The following PSD3 variants were observed in gnomAD, a reference collection of about 807,000 sequenced individuals.
The protein encoded by PSD3 is pleckstrin and Sec7 domain containing 3.
Under a neutral mutation model 105.5 loss-of-function variants are expected in PSD3, and 49 were observed. The ratio of observed to expected loss-of-function variants is 0.46; its 90% CI spans 0.37 to 0.59. The LOEUF is 0.59. Among genes scored for constraint, PSD3 ranks in the 20% least tolerant of loss-of-function variants. The pLI is 0.00. For missense variants in PSD3, 1,561 were observed against 1,263.8 expected (o/e 1.24, Z -3.57); for synonymous variants, 557 against 457.8 (o/e 1.22, Z -2.77).
chr8:18,726,027 C>G (rs1324755493), intron 9 of PSD3, among the ~76,000 whole-genome samples: 6 of 152,152 alleles, frequency 3.9e-5, no homozygotes, highest in Non-Finnish European at 7.3e-5. Context: ...CAATGCCAAG[C>G]CATACTTATC....
intron 3 of PSD3, among the ~76,000 whole-genome samples, chr8:18,869,190 C>CTTT (rs10648699): frequency 0.12 from 14,552 of 119,622 alleles, 1,377 homozygotes; most frequent in East Asian, 0.27. Context: ...CTCTCCCCTG[C>CTTT]TTTTTTTTTT....
intron 4 of PSD3, among the ~76,000 whole-genome samples, chr8:18,854,622 G>A (rs1404761465): frequency 6.6e-6 from 1 of 152,190 alleles, no homozygotes; most frequent in Middle Eastern, 3.2e-3. Flanking sequence ...TTTATAGACT[G>A]CAATTTCCTA....
intron 9 of PSD3, chr8:18,684,049 C>A: frequency 1.6e-6 from 1 of 635,898 alleles, no homozygotes. Flanking sequence ...TCCTGAGCGC[C>A]GTGATCCGCG....
chr8:18,707,116 A>C (rs544786062), intron 9 of PSD3, among the ~76,000 whole-genome samples: 1 of 152,080 alleles, frequency 6.6e-6, no homozygotes, highest in Non-Finnish European at 1.5e-5. Flanking sequence ...ATGTATACAC[A>C]TCATATACTC....
intron 11 of PSD3, among the ~76,000 whole-genome samples, chr8:18,612,046 T>C (rs1304906460): frequency 6.6e-6 from 1 of 152,090 alleles, no homozygotes; most frequent in African/African-American, 2.4e-5. Flanking sequence ...GTGAAGTAAA[T>C]GATAACAAGC....
chr8:18,676,064 A>G (rs1474508682), intron 9 of PSD3, among the ~76,000 whole-genome samples: 1 of 152,120 alleles, frequency 6.6e-6, no homozygotes, highest in Non-Finnish European at 1.5e-5. Context: ...GGCAGTGACT[A>G]TCTTTAAAAT....
chr8:18,910,639 A>T (rs1055535288), intron 2 of PSD3, among the ~76,000 whole-genome samples: 10 of 24,616 alleles, frequency 4.1e-4, no homozygotes, highest in Middle Eastern at 0.017. Context: ...GAGTATAATA[A>T]AAAAAAAAAA....
intron 15 of PSD3, among the ~76,000 whole-genome samples, chr8:18,539,657 C>T (rs967274097): frequency 6.6e-6 from 1 of 151,606 alleles, no homozygotes; most frequent in Non-Finnish European, 1.5e-5. Context: ...AAGCAATTCC[C>T]CTGCCTCAGC....
At chr8:18,788,162 T>A (rs1346213388) in intron 8 of PSD3, among the ~76,000 whole-genome samples, 2 of 152,150 alleles carry the variant, frequency 1.3e-5, no homozygotes, top group African/African-American at 4.8e-5. Context: ...GAGGACAACA[T>A]CGTGAGCGAG....
intron 9 of PSD3, among the ~76,000 whole-genome samples, chr8:18,757,442 C>T (rs112882153): frequency 6.6e-4 from 100 of 152,140 alleles, no homozygotes; most frequent in African/African-American, 2.3e-3. Context: ...CCAGCCTGGG[C>T]AACAAGGCAA....
chr8:18,617,254 G>A (rs1166175298), intron 11 of PSD3, among the ~76,000 whole-genome samples: 1 of 152,142 alleles, frequency 6.6e-6, no homozygotes, highest in Admixed American at 6.5e-5. Flanking sequence ...CTACTGGCCG[G>A]GCATGGTCGC....
At chr8:18,949,175 T>C (rs13271139) in intron 1 of PSD3, among the ~76,000 whole-genome samples, 5 of 125,634 alleles carry the variant, frequency 4.0e-5, no homozygotes, top group Non-Finnish European at 6.4e-5. Flanking sequence ...TGAGCCGAGA[T>C]TGTGCCACTG....
intron 9 of PSD3, among the ~76,000 whole-genome samples, chr8:18,691,608 G>C (rs1156537129): frequency 6.6e-6 from 1 of 152,230 alleles, no homozygotes; most frequent in African/African-American, 2.4e-5. Context: ...CTCCAAAGCT[G>C]TTCATCCAGA....
intron 9 of PSD3, among the ~76,000 whole-genome samples, chr8:18,660,442 C>A (rs1238481287): frequency 2.0e-5 from 3 of 152,028 alleles, no homozygotes; most frequent in Admixed American, 6.5e-5. Flanking sequence ...TTTCAGCAGC[C>A]CGAGGAAACT....
At chr8:18,649,886 T>A (rs1266588236) in intron 10 of PSD3, among the ~76,000 whole-genome samples, 2 of 152,174 alleles carry the variant, frequency 1.3e-5, no homozygotes, top group African/African-American at 2.4e-5. Context: ...CCTCTTTGCC[T>A]CCTGTCATGA....
intron 2 of PSD3, among the ~76,000 whole-genome samples, chr8:18,893,057 C>T (rs906899367): frequency 6.6e-6 from 1 of 152,132 alleles, no homozygotes; most frequent in East Asian, 1.9e-4. Context: ...ACTATTGTAT[C>T]CCCATGTCAC....
chr8:19,012,031 A>G (rs559825308), intron 1 of PSD3, among the ~76,000 whole-genome samples: 1 of 152,270 alleles, frequency 6.6e-6, no homozygotes, highest in Non-Finnish European at 1.5e-5. Flanking sequence ...TAATCCCCTC[A>G]CCCTACCAGG....
chr8:18,712,855 T>C (rs1802339332), intron 9 of PSD3, among the ~76,000 whole-genome samples: 1 of 152,134 alleles, frequency 6.6e-6, no homozygotes, highest in African/African-American at 2.4e-5. Context: ...CAAACCAACA[T>C]ACGTGGTGAA....
At chr8:18,964,541 C>T (rs1162924534) in intron 1 of PSD3, among the ~76,000 whole-genome samples, 1 of 151,768 alleles carries the variant, frequency 6.6e-6, no homozygotes, top group African/African-American at 2.4e-5. Flanking sequence ...GATTGTGTTG[C>T]CTCAGAACCA....
Sources: gnomAD v4.1 joint callset for allele counts (sites outside exome capture counted in the v4.1 genomes callset) on GRCh38, gnomAD v4.1.1 for gene constraint, MANE v1.5 for transcripts, NCBI Gene and HGNC (gene_info 2026-07-23, HGNC 2026-07-21) for gene names.